Variants in OSCP1 observed in about 807,000 individuals in gnomAD.
OSCP1 encodes the protein organic solute carrier partner 1.
OSCP1 carries 35 observed loss-of-function variants against 45.1 expected under a neutral mutation model. The ratio of observed to expected loss-of-function variants is 0.78; its 90% CI spans 0.59 to 1.03. The LOEUF (loss-of-function observed/expected upper bound fraction) is 1.03, where lower values mean the gene tolerates loss of function less well. OSCP1 is among the 50% of genes least tolerant of loss of function. The pLI, the probability that OSCP1 is intolerant of heterozygous loss-of-function variation, is 0.00. For synonymous variants in OSCP1, 179 were observed against 180.1 expected, an observed-to-expected ratio of 0.99 and a Z score of 0.05; for missense variants, 400 against 470.7, an observed-to-expected ratio of 0.85 and a Z score of 1.39.
chr1:36,419,431 TGA>T (rs1472817020), intron 8 of OSCP1: 1 of 201,504 alleles, frequency 5.0e-6, no homozygotes, highest in African/African-American at 2.3e-5. Flanking sequence ...CCCACTAAGC[TGA>T]GAGCTTCCTG....
chr1:36,441,643 CG>C (rs1649167301), intron 1 of OSCP1, among the ~76,000 whole-genome samples: 1 of 141,520 alleles, frequency 7.1e-6, no homozygotes, highest in Non-Finnish European at 1.5e-5. Context: ...TCCCAGCTAC[CG>C]GGAGGCTGAG....
intron 4 of OSCP1, among the ~76,000 whole-genome samples, chr1:36,429,642 C>T (rs1648226181): frequency 6.8e-6 from 1 of 147,528 alleles, no homozygotes; most frequent in Admixed American, 7.1e-5. Flanking sequence ...TTTCAGCCTC[C>T]TAACTGGGAC....
chr1:36,450,236 G>T (rs1404743885), intron 1 of OSCP1, 22 bp downstream of exon 1: 3 of 1,597,874 alleles, frequency 1.9e-6, no homozygotes, highest in African/African-American at 1.3e-5. Flanking sequence ...GGGTCTGGCT[G>T]AGCGGGCCGG....
chr1:36,446,105 C>T (rs1277586010), intron 1 of OSCP1, among the ~76,000 whole-genome samples: 1 of 152,102 alleles, frequency 6.6e-6, no homozygotes, highest in Non-Finnish European at 1.5e-5. Context: ...TCACTGCAAC[C>T]TCTGCCTCCC....
intron 1 of OSCP1, 121 bp downstream of exon 1, chr1:36,450,137 G>C (rs1649808400): frequency 1.7e-5 from 13 of 773,326 alleles, no homozygotes; most frequent in Middle Eastern, 3.8e-4. Flanking sequence ...TTGTAAGAAA[G>C]GTCCCTGGTT....
intron 4 of OSCP1, among the ~76,000 whole-genome samples, chr1:36,424,796 C>A (rs954734439): frequency 2.0e-5 from 3 of 152,164 alleles, no homozygotes; most frequent in African/African-American, 7.2e-5. Context: ...GTCTTGGCTT[C>A]CTTATCTGTA....
chr1:36,446,276 G>A (rs1418437538), intron 1 of OSCP1, among the ~76,000 whole-genome samples: 1 of 152,232 alleles, frequency 6.6e-6, no homozygotes, highest in African/African-American at 2.4e-5. Flanking sequence ...ACCCACCTCG[G>A]CGTCCCAAAA....
At chr1:36,425,704 G>C (rs1647922445) in intron 4 of OSCP1, among the ~76,000 whole-genome samples, 1 of 149,208 alleles carries the variant, frequency 6.7e-6, no homozygotes, top group African/African-American at 2.5e-5. Flanking sequence ...CTGTATTCCA[G>C]CCTGGGCAAC....
At chr1:36,422,002 T>A in intron 7 of OSCP1, 148 bp downstream of exon 7, 1 of 722,442 alleles carries the variant, frequency 1.4e-6, no homozygotes, top group Non-Finnish European at 2.4e-6. Context: ...TTAAAACCTG[T>A]GTACTCGTAA....
intron 4 of OSCP1, chr1:36,428,457 G>A (rs1648130380): frequency 6.2e-7 from 1 of 1,613,628 alleles, no homozygotes; most frequent in Non-Finnish European, 8.5e-7. Flanking sequence ...TCTTGCATAT[G>A]CTTCCAGAAG....
intron 1 of OSCP1, among the ~76,000 whole-genome samples, chr1:36,444,836 A>C (rs1217840026): frequency 6.6e-6 from 1 of 152,240 alleles, no homozygotes; most frequent in East Asian, 1.9e-4. Flanking sequence ...AATAGGGATC[A>C]TAATAGCACC....
In OSCP1 at chr1:36,421,627, C is replaced by T. The variant is rs550135864; in HGVS notation, c.819+523G>A. On this transcript the variant is annotated intron_variant, in intron 7 of 9. Coordinates refer to ENST00000235532, the MANE Select transcript of OSCP1 (RefSeq NM_145047.5). ...ACCACATCTACGTCAGCTTCGTGTCCCTGGGTCCCCAGCCCATAGAAGCAG... is the reference window on the plus strand; with the variant it reads ...ACCACATCTACGTCAGCTTCGTGTCTCTGGGTCCCCAGCCCATAGAAGCAG... 1.1e-4 allele frequency among the ~76,000 whole-genome samples: 17 copies of T among 152,242 alleles called. No homozygotes were observed. The South Asian group carries it at 3.5e-3, about 32-fold the overall frequency.
chr1:36,437,038 A>G (rs1648793684), intron 2 of OSCP1, among the ~76,000 whole-genome samples: 1 of 152,034 alleles, frequency 6.6e-6, no homozygotes, highest in African/African-American at 2.4e-5. Context: ...TGGCAACCTG[A>G]CTCATCACTG....
At chr1:36,432,863 G>A (rs571169337) in intron 2 of OSCP1, among the ~76,000 whole-genome samples, 261 of 152,300 alleles carry the variant, frequency 1.7e-3, no homozygotes, top group South Asian at 3.1e-3. Flanking sequence ...AATGGGATAC[G>A]TCTGAAATAA....
At chr1:36,428,043 A>C (rs539235689) in intron 4 of OSCP1, among the ~76,000 whole-genome samples, 11 of 152,122 alleles carry the variant, frequency 7.2e-5, no homozygotes, top group Admixed American at 3.3e-4. Context: ...CAAAAAAATT[A>C]GCTGGATGTG....
chr1:36,423,038 A>T, intron 5 of OSCP1, 142 bp from the exon 6 acceptor site: 1 of 516,542 alleles, frequency 1.9e-6, no homozygotes, highest in Non-Finnish European at 3.1e-6. Flanking sequence ...AATAATAATA[A>T]TAATACAATA....
chr1:36,428,261 A>G, intron 4 of OSCP1: 8 of 1,510,500 alleles, frequency 5.3e-6, no homozygotes, highest in Non-Finnish European at 7.1e-6. Context: ...TCCTTTGTCC[A>G]TGGAAGGGAA....
At chr1:36,419,199 T>G (rs1647465404) in intron 8 of OSCP1, 145 bp from the exon 9 acceptor site, 2 of 723,172 alleles carry the variant, frequency 2.8e-6, no homozygotes, top group Non-Finnish European at 4.9e-6. Context: ...CTCCCACCAA[T>G]GTACCCTACG....
chr1:36,431,873 C>T lies in OSCP1; in HGVS notation c.445G>A (p.Gly149Ser). The change falls in exon 4 of 10, where the codon GGT (glycine) becomes AGT (serine). Residue 149 changes from glycine (G) to serine (S), a missense_variant. Physicochemically the swap from Gly to Ser is moderately conservative, Grantham distance 56. Transcript: ENST00000235532. ...AGCTGGAACTCCCCTGCAGAGAGACCACCATATATCTGCCAAAGGCAAGCA... is the reference window on the plus strand; with the variant it reads ...AGCTGGAACTCCCCTGCAGAGAGACTACCATATATCTGCCAAAGGCAAGCA... The part of the protein sequence containing the change: ...TLRQLTEIYG[G>S]LSAGEFQLIR... 6.2e-7 allele frequency: 1 copy of T among 1,612,926 alleles called. No individual in the cohort carries two copies. Among genetic ancestry groups the T allele is most frequent in the South Asian group, 1.1e-5 (1 of 91,064 alleles).
Sources: gnomAD v4.1 joint callset for allele counts (sites outside exome capture counted in the v4.1 genomes callset) on GRCh38, gnomAD v4.1.1 for gene constraint, MANE v1.5 for transcripts, NCBI Gene and HGNC (gene_info 2026-07-23, HGNC 2026-07-21) for gene names.